DNAH6: variants seen among roughly 807,000 people sequenced by gnomAD.
DNAH6 encodes axonemal beta dynein heavy chain 6.
DNAH6 carries 340 observed loss-of-function variants against 491.4 expected under a neutral mutation model. The ratio of observed to expected loss-of-function variants is 0.69; its 90% CI spans 0.63 to 0.76. DNAH6 has a LOEUF of 0.76. Among genes scored for constraint, DNAH6 ranks in the 30% least tolerant of loss-of-function variants. The pLI is 0.00. For missense variants in DNAH6, 4,443 were observed against 4,972.2 expected, an observed-to-expected ratio of 0.89 and a Z score of 3.20; for synonymous variants, 1,603 against 1,686.1, an observed-to-expected ratio of 0.95 and a Z score of 1.21.
intron 64 of DNAH6, among the ~76,000 whole-genome samples, chr2:84,769,179 A>G (rs891293660): frequency 6.6e-6 from 1 of 152,206 alleles, no homozygotes; most frequent in Admixed American, 6.5e-5. Flanking sequence ...GGATGGCAGG[A>G]GCTGCGGATC....
intron 4 of DNAH6, among the ~76,000 whole-genome samples, chr2:84,530,977 T>G (rs901045498): frequency 2.6e-5 from 4 of 152,144 alleles, no homozygotes; most frequent in Non-Finnish European, 5.9e-5. Flanking sequence ...CCTGATGACA[T>G]GTGCCCAAGG....
At chr2:84,582,838 G>C (rs1309954241) in intron 14 of DNAH6, among the ~76,000 whole-genome samples, 3 of 152,212 alleles carry the variant, frequency 2.0e-5, no homozygotes, top group African/African-American at 4.8e-5. Context: ...CCTGTCTGCA[G>C]TTATCTTCTC....
At chr2:84,722,914 C>G (rs532181728) in intron 60 of DNAH6, 110 bp downstream of exon 60, 1 of 691,424 alleles carries the variant, frequency 1.4e-6, no homozygotes, top group South Asian at 2.5e-5. Flanking sequence ...GGTAAAATCT[C>G]CCAGGTGCAT....
Position 84,699,665 on chromosome 2 carries a change from G to A in DNAH6, c.7749G>A (p.Glu2583=). 1.3e-6 allele frequency: 2 copies of A among 1,551,796 alleles called. No homozygotes were observed. Among genetic ancestry groups the A allele is most frequent in the Non-Finnish European group, 1.7e-6 (2 of 1,146,990 alleles). Residue 2583 remains glutamate (E), a synonymous_variant, in exon 48 of 77, where the codon GAG becomes GAA. Coordinates refer to ENST00000389394, the MANE Select transcript of DNAH6 (RefSeq NM_001370.2). ...TTCTCTGCATGAGCCCAGTTGGGGA[G>A]GCCTTTCGGTCCCGATGCAGGATGT... ...HIVLCMSPVG[E]AFRSRCRMFP...
At chr2:84,534,974 C>G (rs544621111) in intron 4 of DNAH6, among the ~76,000 whole-genome samples, 1 of 151,888 alleles carries the variant, frequency 6.6e-6, no homozygotes, top group Non-Finnish European at 1.5e-5. Context: ...ATAAAATTAT[C>G]TTGGTAAAGA....
chr2:84,524,413 C>A (rs1422805800), intron 2 of DNAH6, among the ~76,000 whole-genome samples: 1 of 151,618 alleles, frequency 6.6e-6, no homozygotes, highest in Non-Finnish European at 1.5e-5. Context: ...ACTTGCCAAA[C>A]AGGTTATTTA....
chr2:84,503,128 GT>G, the DNAH6 span, among the ~76,000 whole-genome samples: 1 of 151,608 alleles, frequency 6.6e-6, no homozygotes, highest in East Asian at 1.9e-4. Flanking sequence ...ATATTACTTA[GT>G]TTTGTGTGTG....
Position 84,716,767 on chromosome 2 carries a change from C to T in DNAH6, c.9611+1140C>T, listed in dbSNP as rs981428111. Among the ~76,000 whole-genome samples the T allele has an allele frequency of 4.6e-5, 7 of 152,242 alleles. No individual in the cohort carries two copies. The East Asian group carries it at 9.6e-4, about 21-fold the overall frequency. ...AAGGAGAAGTGCCCTGATAAGAACACGAGAAATGCTGGGACTCAGTCATGG... is the reference window on the plus strand; with the variant it reads ...AAGGAGAAGTGCCCTGATAAGAACATGAGAAATGCTGGGACTCAGTCATGG... On this transcript the variant is annotated intron_variant, in intron 58 of 76. Transcript: ENST00000389394.
intron 65 of DNAH6, 110 bp downstream of exon 65, chr2:84,781,763 A>G (rs1479602897): frequency 1.5e-6 from 2 of 1,295,744 alleles, no homozygotes; most frequent in African/African-American, 1.5e-5. Flanking sequence ...GTTTCCATAT[A>G]TGAAAGAGGA....
At position 84,669,583 on chromosome 2, in the gene DNAH6, A is replaced by G. The variant is rs140550078; in HGVS notation, c.6306+73A>G. On this transcript the variant is annotated intron_variant, in intron 38 of 76. Transcript: ENST00000389394. ...TGATGGACTTAGAATCGTTAGCACC[A>G]GAAGTAATATTATTTCTGAGAGGAA... The G allele has an allele frequency of 5.6e-3, 6,950 of 1,252,108 alleles. 34 individuals carry two copies. Among genetic ancestry groups the G allele is most frequent in the South Asian group, 7.4e-3 (571 of 76,648 alleles). 77.6% of individuals were successfully genotyped at this position (1,252,108 alleles called of 1,614,324 possible).
intron 4 of DNAH6, among the ~76,000 whole-genome samples, chr2:84,535,215 CATTT>C (rs1190768028): frequency 2.6e-5 from 4 of 151,804 alleles, no homozygotes; most frequent in African/African-American, 9.7e-5. Flanking sequence ...TTAATTTTGA[CATTT>C]ATTTATCTTT....
intron 13 of DNAH6, among the ~76,000 whole-genome samples, chr2:84,579,118 G>A (rs1396116931): frequency 6.6e-6 from 1 of 152,110 alleles, no homozygotes; most frequent in East Asian, 1.9e-4. Context: ...GGCCAAAAAA[G>A]CCATGTTCCT....
chr2:84,725,985 A>G (rs958707618), intron 60 of DNAH6, among the ~76,000 whole-genome samples: 3 of 152,170 alleles, frequency 2.0e-5, no homozygotes, highest in African/African-American at 7.2e-5. Flanking sequence ...GACTTTCCCA[A>G]TTTCCTGAAA....
the DNAH6 span, among the ~76,000 whole-genome samples, chr2:84,486,392 G>A: frequency 0.012 from 1,848 of 152,254 alleles, 38 homozygotes; most frequent in African/African-American, 0.042. Context: ...TTGAGGTTCC[G>A]CCTCCTCCAG....
At chr2:84,616,208 T>C (rs1686840526) in intron 22 of DNAH6, among the ~76,000 whole-genome samples, 1 of 152,114 alleles carries the variant, frequency 6.6e-6, no homozygotes, top group African/African-American at 2.4e-5. Context: ...CCATTTGTTC[T>C]AGGGTATAGT....
Position 84,718,366 on chromosome 2 carries a change from C to T in DNAH6, c.9774C>T (p.Asp3258=). ...TTCTGGACAATGAAGAACTTATTGACACACTCCAGGATTCAAAGGCAAGTA... is the reference window on the plus strand; with the variant it reads ...TTCTGGACAATGAAGAACTTATTGATACACTCCAGGATTCAAAGGCAAGTA... ...GNILDNEELI[D]TLQDSKITSG... The change falls in exon 59 of 77, where the codon GAC becomes GAT. Residue 3258 remains aspartate (D), a synonymous_variant. Transcript: ENST00000389394. 3 of 1,539,666 alleles carry T rather than the reference C, an allele frequency of 1.9e-6. No homozygotes were observed. Among genetic ancestry groups the T allele is most frequent in the South Asian group, 2.5e-5 (2 of 80,832 alleles).
the DNAH6 span, among the ~76,000 whole-genome samples, chr2:84,496,412 C>T: frequency 6.6e-6 from 1 of 152,112 alleles, no homozygotes; most frequent in African/African-American, 2.4e-5. Context: ...TATATATATT[C>T]TGGGCTTACA....
At chr2:84,681,088 G>C (rs1170390311) in intron 41 of DNAH6, among the ~76,000 whole-genome samples, 1 of 152,118 alleles carries the variant, frequency 6.6e-6, no homozygotes, top group Non-Finnish European at 1.5e-5. Flanking sequence ...ACCTCAAGCA[G>C]AGGTCTAAAT....
chr2:84,669,408 G>A lies in DNAH6; in HGVS notation c.6204G>A (p.Met2068Ile). Residue 2068 changes from methionine to isoleucine, a missense_variant, in exon 38 of 77, where the codon ATG (methionine) becomes ATA (isoleucine). Met to Ile is a conservative substitution (Grantham distance 10). Coordinates refer to ENST00000389394, the MANE Select transcript of DNAH6 (RefSeq NM_001370.2). ...ACCGAGATGTTCCATTTTTTGAAAT[G>A]CTTGTCCCCACAACTGACACAGTGC... ...KYNRDVPFFE[M>I]LVPTTDTVRY... 6.4e-7 allele frequency: 1 copy of A among 1,551,966 alleles called. No individual in the cohort carries two copies. The highest frequency in any genetic ancestry group is 8.7e-7 in the Non-Finnish European group (1 of 1,147,034).
Sources: allele counts gnomAD v4.1 joint callset (sites outside exome capture counted in the v4.1 genomes callset), GRCh38; gene constraint gnomAD v4.1.1; transcripts MANE v1.5; gene names NCBI Gene and HGNC (gene_info 2026-07-23, HGNC 2026-07-21).